Variants in UBE2W observed in about 807,000 individuals in gnomAD.
UBE2W encodes ubiquitin conjugating enzyme E2 W.
Under a neutral mutation model 27.2 loss-of-function variants are expected in UBE2W, and 18 were observed. That is an observed-to-expected ratio of 0.66 (90% CI 0.46 to 0.98). UBE2W has a LOEUF of 0.98. Among genes scored for constraint, UBE2W ranks in the 50% least tolerant of loss-of-function variants. The pLI, the probability that UBE2W is intolerant of heterozygous loss-of-function variation, is 0.00. For synonymous variants in UBE2W, 53 were observed against 57.2 expected (o/e 0.93, Z 0.33); for missense variants, 90 against 180.2 (o/e 0.50, Z 2.87).
At position 73,878,695 on chromosome 8, in the gene UBE2W, A is replaced by G. The variant is rs926594462; in HGVS notation, c.15+113T>C. The G allele has an allele frequency of 4.2e-6, 4 of 962,144 alleles. No homozygotes were observed. In the Admixed American group the frequency reaches 6.1e-5, roughly 15 times the overall value. 59.6% of individuals were successfully genotyped at this position (962,144 alleles called of 1,614,324 possible). A position where few individuals can be genotyped will look rare whatever the true frequency, so the allele number is the denominator to read the frequency against. ...AGCTGAGGGAAAACAGGCCACCCGGACCGATCCCGAACCCGCCCGGGTGTC... is the reference window on the plus strand; with the variant it reads ...AGCTGAGGGAAAACAGGCCACCCGGGCCGATCCCGAACCCGCCCGGGTGTC... On this transcript the variant is annotated intron_variant, in intron 1 of 5. Transcript: ENST00000602593.
rs1187033303 is a variant in UBE2W at position 73,786,310 on chromosome 8, G to A, written c.*7792C>T. 4 of 985,350 alleles carry A rather than the reference G, an allele frequency of 4.1e-6. No individual in the cohort carries two copies. The highest frequency in any genetic ancestry group is 9.4e-5 in the South Asian group (2 of 21,292). The allele number at this position is 985,350 out of a possible 1,614,324, so 61.0% of individuals were successfully genotyped here. ...TCCTGTTATACATTTTACTCAGGTG[G>A]TGGTTCTGGATATATGTTTCAAAAT... On this transcript the variant is annotated 3_prime_UTR_variant, in exon 6 of 6. Coordinates refer to ENST00000602593, the MANE Select transcript of UBE2W (RefSeq NM_018299.6).
At chr8:73,802,131 A>G (rs1022964099) in intron 5 of UBE2W, among the ~76,000 whole-genome samples, 2 of 152,242 alleles carry the variant, frequency 1.3e-5, no homozygotes, top group Non-Finnish European at 2.9e-5. Context: ...CTGAAGTTTA[A>G]TAACTAAGAC....
At position 73,792,225 on chromosome 8, in the gene UBE2W, A is replaced by G. The variant is rs574846023; in HGVS notation, c.*1877T>C. On this transcript the variant is annotated 3_prime_UTR_variant, in exon 6 of 6. Transcript: ENST00000602593. ...ACAGGCCAACTAATAAAACTGACAG[A>G]GATCATTGTGAGAATTTATCTAGTC... The G allele has an allele frequency of 5.1e-3, 5,076 of 985,730 alleles. 13 individuals carry two copies. The highest frequency in any genetic ancestry group is 5.8e-3 in the Non-Finnish European group (4,775 of 829,812). The allele number at this position is 985,730 out of a possible 1,614,324, so 61.1% of individuals were successfully genotyped here.
chr8:73,808,511 G>A (rs764824238), intron 4 of UBE2W, among the ~76,000 whole-genome samples: 1 of 152,214 alleles, frequency 6.6e-6, no homozygotes, highest in Non-Finnish European at 1.5e-5. Flanking sequence ...AGGATTACAG[G>A]CGTGAGCCAC....
chr8:73,869,494 C>G (rs1811910849), intron 1 of UBE2W, among the ~76,000 whole-genome samples: 1 of 152,148 alleles, frequency 6.6e-6, no homozygotes, highest in Non-Finnish European at 1.5e-5. Context: ...AGTAAGAGAC[C>G]AGATTGGCCA....
chr8:73,860,107 A>C (rs917756552), intron 1 of UBE2W, among the ~76,000 whole-genome samples: 4 of 149,178 alleles, frequency 2.7e-5, no homozygotes, highest in Non-Finnish European at 5.9e-5. Flanking sequence ...AGGGTTACAT[A>C]CAGGAAGCTT....
chr8:73,823,968 C>G (rs1809727130), intron 3 of UBE2W, among the ~76,000 whole-genome samples: 1 of 152,146 alleles, frequency 6.6e-6, no homozygotes, highest in Admixed American at 6.5e-5. Flanking sequence ...CAGCACCCAA[C>G]AAGCAAAATT....
Position 73,790,972 on chromosome 8 carries a change from C to A in UBE2W, c.*3130G>T. On this transcript the variant is annotated 3_prime_UTR_variant, in exon 6 of 6. Transcript: ENST00000602593. ...ATGAGGGAAAAGGTAATAAACTATT[C>A]TAGTTATTTTATACCAAATATTGAT... is the stretch of plus-strand genomic sequence containing the variant. 6.1e-6 allele frequency: 6 copies of A among 980,614 alleles called. No individual in the cohort carries two copies. The highest frequency in any genetic ancestry group is 7.3e-6 in the Non-Finnish European group (6 of 825,680). The allele number at this position is 980,614 out of a possible 1,614,324, so 60.7% of individuals were successfully genotyped here. A position where few individuals can be genotyped will look rare whatever the true frequency, so the allele number is the denominator to read the frequency against.
intron 5 of UBE2W, chr8:73,795,824 G>GT (rs761342511): frequency 1.0e-4 from 98 of 979,266 alleles, no homozygotes; most frequent in Non-Finnish European, 1.1e-4. Flanking sequence ...GCTCACGCCT[G>GT]TAATTCCAGC....
intron 3 of UBE2W, among the ~76,000 whole-genome samples, chr8:73,823,254 C>A (rs1276094084): frequency 6.6e-6 from 1 of 152,054 alleles, no homozygotes; most frequent in Admixed American, 6.5e-5. Flanking sequence ...AATGCTGTAA[C>A]TTACAGAAAT....
At chr8:73,809,603 T>C (rs1809064535) in intron 4 of UBE2W, among the ~76,000 whole-genome samples, 2 of 152,198 alleles carry the variant, frequency 1.3e-5, no homozygotes. Context: ...ATTATTTTCT[T>C]GAGATGGAGT....
intron 3 of UBE2W, among the ~76,000 whole-genome samples, chr8:73,820,981 A>G (rs1032805091): frequency 1.3e-5 from 2 of 152,222 alleles, no homozygotes; most frequent in African/African-American, 2.4e-5. Flanking sequence ...AAATTAAAAA[A>G]GGAATCCTTA....
At chr8:73,813,840 CCT>C (rs1327409799) in intron 3 of UBE2W, among the ~76,000 whole-genome samples, 3 of 151,894 alleles carry the variant, frequency 2.0e-5, no homozygotes, top group Non-Finnish European at 4.4e-5. Context: ...GCAATCCCCG[CCT>C]CCCAGGTTCA....
rs1484437037 is a variant in UBE2W, at chr8:73,791,630, G to A, written c.*2472C>T. On this transcript the variant is annotated 3_prime_UTR_variant, in exon 6 of 6. Coordinates refer to ENST00000602593, the MANE Select transcript of UBE2W (RefSeq NM_018299.6). ...GCAATGACTCAGATAAATGCCTTAT[G>A]ACTTTTAATAATGTAACTAACATAT... 6 of 984,788 alleles carry A rather than the reference G, an allele frequency of 6.1e-6. No homozygotes were observed. Among genetic ancestry groups the A allele is most frequent in the Non-Finnish European group, 7.2e-6 (6 of 829,538 alleles). The allele number at this position is 984,788 out of a possible 1,614,324, so 61.0% of individuals were successfully genotyped here. A position where few individuals can be genotyped will look rare whatever the true frequency, so the allele number is the denominator to read the frequency against.
intron 2 of UBE2W, among the ~76,000 whole-genome samples, chr8:73,828,190 T>C (rs933929410): frequency 1.3e-5 from 2 of 152,204 alleles, no homozygotes; most frequent in African/African-American, 4.8e-5. Flanking sequence ...GTAATTCTAA[T>C]GTTTAAGCAT....
chr8:73,791,773 T>C lies in UBE2W; in HGVS notation c.*2329A>G. 7 of 984,844 alleles carry C rather than the reference T, an allele frequency of 7.1e-6. No individual in the cohort carries two copies. The highest frequency in any genetic ancestry group is 8.4e-6 in the Non-Finnish European group (7 of 829,382). 61.0% of individuals were successfully genotyped at this position (984,844 alleles called of 1,614,324 possible). On this transcript the variant is annotated 3_prime_UTR_variant, in exon 6 of 6. Transcript: ENST00000602593. Reference sequence around the variant, plus strand: ...ATATTTTAGGATATTTCATCTTATTTTCTACTCTTTAAACCATAAGATGTA... The same window carrying C: ...ATATTTTAGGATATTTCATCTTATTCTCTACTCTTTAAACCATAAGATGTA...
intron 5 of UBE2W, among the ~76,000 whole-genome samples, chr8:73,802,572 G>T (rs1808689930): frequency 6.6e-6 from 1 of 151,694 alleles, no homozygotes; most frequent in African/African-American, 2.4e-5. Context: ...ACCCAACATT[G>T]AAAAAAAACA....
At chr8:73,866,293 ATATATATATAT>A (rs1811769254) in intron 1 of UBE2W, among the ~76,000 whole-genome samples, 1 of 61,518 alleles carries the variant, frequency 1.6e-5, no homozygotes, top group East Asian at 5.5e-4. Flanking sequence ...AAAAAAAAAT[ATATATATATAT>A]ATATATATAT....
At chr8:73,860,735 G>C (rs1041619172) in intron 1 of UBE2W, among the ~76,000 whole-genome samples, 2 of 151,948 alleles carry the variant, frequency 1.3e-5, no homozygotes, top group African/African-American at 2.4e-5. Flanking sequence ...AGAGTGGAGG[G>C]GCTAACTAAA....
Sources: gnomAD v4.1 joint callset for allele counts (sites outside exome capture counted in the v4.1 genomes callset) on GRCh38, gnomAD v4.1.1 for gene constraint, MANE v1.5 for transcripts, NCBI Gene and HGNC (gene_info 2026-07-23, HGNC 2026-07-21) for gene names.